Variants in TCERG1L observed in about 807,000 individuals in gnomAD.
TCERG1L encodes the protein transcription elongation regulator 1 like.
In TCERG1L, 37 loss-of-function variants were observed where a neutral mutation model predicts 56.3. The observed-to-expected ratio is 0.66, with a 90% CI of 0.51 to 0.87. TCERG1L has a LOEUF of 0.87. TCERG1L is among the 40% of genes least tolerant of loss of function. The probability of loss-of-function intolerance (pLI) is 0.00; values close to 1 mark genes in which losing one functional copy is unlikely to be tolerated. For synonymous variants in TCERG1L, 324 were observed against 326.3 expected, an observed-to-expected ratio of 0.99 and a Z score of 0.08; for missense variants, 799 against 774.2, an observed-to-expected ratio of 1.03 and a Z score of -0.38.
At chr10:131,095,811 G>A (rs1460021775) in intron 11 of TCERG1L, 1 of 152,012 alleles carries the variant, frequency 6.6e-6, no homozygotes, top group South Asian at 2.1e-4. Flanking sequence ...AAAAGAGTCC[G>A]TTTAACTCCC....
intron 10 of TCERG1L, among the ~76,000 whole-genome samples, chr10:131,100,745 C>T (rs370402997): frequency 3.9e-5 from 6 of 152,204 alleles, no homozygotes; most frequent in South Asian, 2.1e-4. Flanking sequence ...CCCATGAAAA[C>T]GCTGTGTGAC....
chr10:131,224,249 C>A (rs1024191207), intron 4 of TCERG1L, among the ~76,000 whole-genome samples: 1 of 152,130 alleles, frequency 6.6e-6, no homozygotes, highest in Admixed American at 6.5e-5. Context: ...CATGCTCCTG[C>A]CCCACACGCC....
chr10:131,164,511 A>C (rs1345505515), intron 5 of TCERG1L, among the ~76,000 whole-genome samples: 1 of 152,260 alleles, frequency 6.6e-6, no homozygotes, highest in Non-Finnish European at 1.5e-5. Context: ...ACAAGGAAGA[A>C]ATAAATTCAC....
chr10:131,196,160 C>A (rs1354961086), intron 4 of TCERG1L, among the ~76,000 whole-genome samples: 1 of 152,250 alleles, frequency 6.6e-6, no homozygotes, highest in African/African-American at 2.4e-5. Context: ...CGGATCTTGG[C>A]TTTGATAAAA....
intron 9 of TCERG1L, among the ~76,000 whole-genome samples, chr10:131,111,177 T>C (rs1253178448): frequency 1.4e-5 from 2 of 142,904 alleles, no homozygotes; most frequent in Admixed American, 6.9e-5. Context: ...CCATGCCCGC[T>C]CCGACCCTGA....
At chr10:131,105,293 G>T (rs1212507611) in intron 9 of TCERG1L, among the ~76,000 whole-genome samples, 4 of 152,148 alleles carry the variant, frequency 2.6e-5, no homozygotes, top group Non-Finnish European at 5.9e-5. Context: ...GGCCGTGGTC[G>T]GCTGGCTGAG....
rs1846887106 is a variant in TCERG1L, at chr10:131,311,106, G to A, written c.342+188C>T. ...ACCTGCCAAAGCTGCGGAGGTGGACGACCGGGCGTCCAAGCACGAACTTTC... is the reference window on the plus strand; with the variant it reads ...ACCTGCCAAAGCTGCGGAGGTGGACAACCGGGCGTCCAAGCACGAACTTTC... On this transcript the variant is annotated intron_variant, in intron 1 of 11. Coordinates refer to ENST00000368642, the MANE Select transcript of TCERG1L (RefSeq NM_174937.4). The surrounding 1 kb of genome is among the most constrained non-coding windows in gnomAD (Gnocchi z 4.0). Among the ~76,000 whole-genome samples, 1 of 152,158 alleles carries A rather than the reference G, an allele frequency of 6.6e-6. No individual in the cohort carries two copies. Among genetic ancestry groups the A allele is most frequent in the African/African-American group, 2.4e-5 (1 of 41,448 alleles).
At chr10:131,221,709 G>A (rs985946750) in intron 4 of TCERG1L, among the ~76,000 whole-genome samples, 1 of 152,196 alleles carries the variant, frequency 6.6e-6, no homozygotes, top group South Asian at 2.1e-4. Flanking sequence ...AGGTCCCCAT[G>A]CTATGACTTA....
intron 4 of TCERG1L, among the ~76,000 whole-genome samples, chr10:131,225,635 A>G (rs372080847): frequency 6.6e-6 from 1 of 152,170 alleles, no homozygotes; most frequent in Admixed American, 6.5e-5. Flanking sequence ...CAACGGCTCC[A>G]GAATCATCCC....
intron 4 of TCERG1L, among the ~76,000 whole-genome samples, chr10:131,190,505 G>A (rs1289765372): frequency 1.9e-5 from 2 of 105,626 alleles, no homozygotes; most frequent in East Asian, 3.9e-4. Flanking sequence ...GATTAACACA[G>A]ATGCAAAAAT....
chr10:131,232,544 T>C lies in TCERG1L; in HGVS notation c.856+27715A>G, dbSNP rs534885383. 3.9e-5 allele frequency among the ~76,000 whole-genome samples: 6 copies of C among 152,314 alleles called. No individual in the cohort carries two copies. The East Asian group carries it at 1.2e-3, about 29-fold the overall frequency. ...TGCTTTGGTCCATAGCCAATTTGTG[T>C]TCACAAAAAATGGGTAAGAGAGGTT... On this transcript the variant is annotated intron_variant, in intron 4 of 11. Coordinates refer to ENST00000368642, the MANE Select transcript of TCERG1L (RefSeq NM_174937.4).
chr10:131,245,063 C>A (rs1304788720), intron 4 of TCERG1L, among the ~76,000 whole-genome samples: 2 of 152,196 alleles, frequency 1.3e-5, no homozygotes, highest in Non-Finnish European at 2.9e-5. Flanking sequence ...GGACAAAGCC[C>A]AGCTCCACCC....
At chr10:131,253,030 C>A (rs906238426) in intron 4 of TCERG1L, among the ~76,000 whole-genome samples, 3 of 152,332 alleles carry the variant, frequency 2.0e-5, no homozygotes, top group East Asian at 3.9e-4. Context: ...GAGGCCGTAG[C>A]GCCTTCCCTG....
chr10:131,213,385 T>A (rs1369416835), intron 4 of TCERG1L, among the ~76,000 whole-genome samples: 1 of 152,234 alleles, frequency 6.6e-6, no homozygotes, highest in African/African-American at 2.4e-5. Context: ...AAGGTTTGAC[T>A]GGAATAAGAC....
intron 4 of TCERG1L, among the ~76,000 whole-genome samples, chr10:131,232,639 A>C (rs1365312257): frequency 6.6e-6 from 1 of 152,262 alleles, no homozygotes; most frequent in African/African-American, 2.4e-5. Context: ...GAAAATTTCC[A>C]AAAGTGAAGT....
chr10:131,240,083 A>T (rs1282790786), intron 4 of TCERG1L, among the ~76,000 whole-genome samples: 4 of 152,094 alleles, frequency 2.6e-5, no homozygotes, highest in South Asian at 2.1e-4. Context: ...CTGTGGTGGG[A>T]CACGACCCCT....
chr10:131,169,175 G>A (rs967802644), intron 4 of TCERG1L, among the ~76,000 whole-genome samples: 1 of 152,124 alleles, frequency 6.6e-6, no homozygotes, highest in African/African-American at 2.4e-5. Context: ...TCCTGATCCT[G>A]CAGGGTCGTC....
At chr10:131,155,522 G>A (rs1447987900) in intron 6 of TCERG1L, among the ~76,000 whole-genome samples, 4 of 152,298 alleles carry the variant, frequency 2.6e-5, no homozygotes, top group East Asian at 3.9e-4. Flanking sequence ...GGGGGCTGCC[G>A]GGAGAGCCTG....
At chr10:131,205,548 C>A (rs1381189767) in intron 4 of TCERG1L, among the ~76,000 whole-genome samples, 1 of 152,200 alleles carries the variant, frequency 6.6e-6, no homozygotes, top group African/African-American at 2.4e-5. Flanking sequence ...ACAGGCTGAA[C>A]TTTTATTTAA....
Sources: allele counts gnomAD v4.1 joint callset (sites outside exome capture counted in the v4.1 genomes callset), GRCh38; gene constraint gnomAD v4.1.1; non-coding constraint Gnocchi (gnomAD v3.1); transcripts MANE v1.5; gene names NCBI Gene and HGNC (gene_info 2026-07-23, HGNC 2026-07-21).